KCNIP4: variants seen among roughly 807,000 people sequenced by gnomAD.
KCNIP4 encodes potassium voltage-gated channel interacting protein 4.
Under a neutral mutation model 34.0 loss-of-function variants are expected in KCNIP4, and 12 were observed. That is an observed-to-expected ratio of 0.35 (90% CI 0.23 to 0.57). The LOEUF (loss-of-function observed/expected upper bound fraction) is 0.57. KCNIP4 is among the 20% of genes least tolerant of loss of function. KCNIP4 has a pLI of 0.83. For missense variants in KCNIP4, 238 were observed against 311.7 expected, an observed-to-expected ratio of 0.76 and a Z score of 1.78; for synonymous variants, 124 against 102.2, an observed-to-expected ratio of 1.21 and a Z score of -1.29.
intron 1 of KCNIP4, among the ~76,000 whole-genome samples, chr4:21,157,833 A>C (rs1753258323): frequency 6.6e-6 from 1 of 152,120 alleles, no homozygotes; most frequent in Non-Finnish European, 1.5e-5. Flanking sequence ...TATTAATCAG[A>C]GCAGAAAACA....
At chr4:21,331,883 C>T (rs1715672211) in intron 1 of KCNIP4, among the ~76,000 whole-genome samples, 1 of 151,926 alleles carries the variant, frequency 6.6e-6, no homozygotes, top group African/African-American at 2.4e-5. Flanking sequence ...TGTCTGTTTC[C>T]TCCCAATTAG....
At chr4:21,302,496 T>C (rs1560270681) in intron 1 of KCNIP4, among the ~76,000 whole-genome samples, 1 of 152,122 alleles carries the variant, frequency 6.6e-6, no homozygotes. Flanking sequence ...CACACACAAA[T>C]GAACAGAGAA....
rs558143264 is a variant in KCNIP4, at chr4:21,091,893, G to A, written c.62-209184C>T. ...CATTGAAGGTTTGATTTCAACATAC[G>A]CATTTTGAGGGGAAACCAACATTCA... On this transcript the variant is annotated intron_variant, in intron 1 of 8. Transcript: ENST00000382152. 9.9e-5 allele frequency among the ~76,000 whole-genome samples: 15 copies of A among 152,184 alleles called. 1 individual carries two copies. In the South Asian group the frequency reaches 1.7e-3, roughly 17 times the overall value.
intron 1 of KCNIP4, among the ~76,000 whole-genome samples, chr4:21,632,399 G>T (rs1207792885): frequency 6.6e-6 from 1 of 151,630 alleles, no homozygotes; most frequent in East Asian, 1.9e-4. Context: ...TTTTTCACTT[G>T]TTTTTTTTGT....
intron 1 of KCNIP4, among the ~76,000 whole-genome samples, chr4:21,937,575 C>T (rs1386887261): frequency 2.6e-5 from 4 of 152,034 alleles, no homozygotes; most frequent in Non-Finnish European, 2.9e-5. Context: ...CCATATGGCC[C>T]AATACCTATT....
In KCNIP4 at chr4:20,826,917, G is replaced by C. The variant is rs530875973; in HGVS notation, c.288+23626C>G. 1.3e-4 allele frequency among the ~76,000 whole-genome samples: 20 copies of C among 152,242 alleles called. 2 individuals carry two copies. In the South Asian group the frequency reaches 4.1e-3, roughly 32 times the overall value. The stretch of plus-strand genomic sequence containing the variant: ...GGCTAAAGAGAAGCCCCTTCCTCTT[G>C]AATAAAGCCTGTGATAGATGATCTT... On this transcript the variant is annotated intron_variant, in intron 3 of 8. Coordinates refer to ENST00000382152, the MANE Select transcript of KCNIP4 (RefSeq NM_025221.6).
chr4:21,230,876 C>G (rs529419352), intron 1 of KCNIP4, among the ~76,000 whole-genome samples: 53 of 152,210 alleles, frequency 3.5e-4, no homozygotes, highest in African/African-American at 1.2e-3. Context: ...TGGTTATATA[C>G]CCAGTAATAG....
At chr4:21,344,242 T>C (rs1420059833) in intron 1 of KCNIP4, among the ~76,000 whole-genome samples, 1 of 152,090 alleles carries the variant, frequency 6.6e-6, no homozygotes, top group Non-Finnish European at 1.5e-5. Flanking sequence ...TTGGAATCCA[T>C]CTAATGTGGA....
intron 1 of KCNIP4, among the ~76,000 whole-genome samples, chr4:21,713,526 G>A (rs1713908709): frequency 6.6e-6 from 1 of 152,158 alleles, no homozygotes. Context: ...TTTGCTACCT[G>A]CATAGAAAGT....
chr4:21,645,845 A>T (rs1233117459), intron 1 of KCNIP4, among the ~76,000 whole-genome samples: 2 of 151,918 alleles, frequency 1.3e-5, no homozygotes, highest in African/African-American at 4.8e-5. Flanking sequence ...GCCACTGGAT[A>T]CTAACATAAG....
chr4:21,098,575 T>G (rs1747663565), intron 1 of KCNIP4, among the ~76,000 whole-genome samples: 1 of 152,180 alleles, frequency 6.6e-6, no homozygotes, highest in Non-Finnish European at 1.5e-5. Flanking sequence ...ACAGTACATC[T>G]GTTTACAATG....
intron 1 of KCNIP4, among the ~76,000 whole-genome samples, chr4:21,588,170 C>A (rs10212635): frequency 0.13 from 18,993 of 151,866 alleles, 1,270 homozygotes; most frequent in African/African-American, 0.16. Flanking sequence ...AAAATAACTA[C>A]CAACATTATT....
chr4:20,796,150 G>T (rs919347039), intron 3 of KCNIP4, among the ~76,000 whole-genome samples: 4 of 152,120 alleles, frequency 2.6e-5, no homozygotes, highest in Non-Finnish European at 5.9e-5. Context: ...TAAAGACAGA[G>T]ATAAAATGTA....
intron 3 of KCNIP4, among the ~76,000 whole-genome samples, chr4:20,821,149 C>T (rs751705682): frequency 1.6e-4 from 24 of 152,190 alleles, no homozygotes; most frequent in Non-Finnish European, 3.1e-4. Flanking sequence ...GACGGGTCTT[C>T]CCTGGGTTTT....
intron 3 of KCNIP4, among the ~76,000 whole-genome samples, chr4:20,799,089 G>A (rs1713877773): frequency 1.3e-5 from 2 of 152,138 alleles, no homozygotes; most frequent in African/African-American, 4.8e-5. Context: ...ACACTCCATA[G>A]TGTGCCATAC....
At chr4:20,954,577 A>C (rs1337850809) in intron 1 of KCNIP4, among the ~76,000 whole-genome samples, 2 of 152,212 alleles carry the variant, frequency 1.3e-5, no homozygotes, top group African/African-American at 4.8e-5. Flanking sequence ...AGAGTGCCAC[A>C]AGACATTACA....
intron 1 of KCNIP4, among the ~76,000 whole-genome samples, chr4:21,092,742 A>T (rs1481573530): frequency 6.6e-6 from 1 of 152,204 alleles, no homozygotes; most frequent in Non-Finnish European, 1.5e-5. Flanking sequence ...ACAGAAATAA[A>T]CAAACAGCCA....
At chr4:21,576,180 A>G (rs1366483221) in intron 1 of KCNIP4, among the ~76,000 whole-genome samples, 1 of 152,172 alleles carries the variant, frequency 6.6e-6, no homozygotes, top group Non-Finnish European at 1.5e-5. Flanking sequence ...TGCCCATAGA[A>G]GCCTAAATTT....
intron 1 of KCNIP4, among the ~76,000 whole-genome samples, chr4:21,022,504 T>C (rs1740165326): frequency 6.6e-6 from 1 of 152,256 alleles, no homozygotes; most frequent in Non-Finnish European, 1.5e-5. Flanking sequence ...TTTACTGTTT[T>C]GGCTATATAC....
Sources: allele counts gnomAD v4.1 joint callset (sites outside exome capture counted in the v4.1 genomes callset), GRCh38; gene constraint gnomAD v4.1.1; transcripts MANE v1.5; gene names NCBI Gene and HGNC (gene_info 2026-07-23, HGNC 2026-07-21).